ATP11B: variants seen among roughly 807,000 people sequenced by gnomAD.
The protein encoded by ATP11B is ATPase phospholipid transporting 11B (putative).
In ATP11B, 81 loss-of-function variants were observed where a neutral mutation model predicts 157.8. The observed-to-expected ratio is 0.51, with a 90% CI of 0.43 to 0.62. ATP11B has a LOEUF of 0.62. Among genes scored for constraint, ATP11B ranks in the 20% least tolerant of loss-of-function variants. The pLI, the probability that ATP11B is intolerant of heterozygous loss-of-function variation, is 0.00. For missense variants in ATP11B, 1,165 were observed against 1,402.2 expected (o/e 0.83, Z 2.70); for synonymous variants, 451 against 469.4 (o/e 0.96, Z 0.51).
At position 182,828,307 on chromosome 3, in the gene ATP11B, A is replaced by G. The variant is rs559907567; in HGVS notation, c.234+98A>G. 2,737 of 559,936 alleles carry G rather than the reference A, an allele frequency of 4.9e-3. 15 individuals are homozygous for G. The highest frequency in any genetic ancestry group is 7.2e-3 in the Non-Finnish European group (2,348 of 326,654). The allele number at this position is 559,936 out of a possible 1,614,324, so 34.7% of individuals were successfully genotyped here. A position where few individuals can be genotyped will look rare whatever the true frequency, so the allele number is the denominator to read the frequency against. ...ACATTGTGTTGCTAATCATTTGACC[A>G]TGTGACCATTTTTTCTGCAGTGCTT... On this transcript the variant is annotated intron_variant, in intron 3 of 29. Transcript: ENST00000323116.
Position 182,872,365 on chromosome 3 carries a change from AG to A in ATP11B, c.1877del (p.Arg626LysfsTer5). ...TATTTGTTTGTTTTAGAAAGGGCTA[AG>A]AACTCTGTGTATAGCATATAGAAAA... ...HVDEFALKGL[R>X]TLCIAYRKFT... On this transcript the variant is annotated frameshift_variant, in exon 18 of 30. Transcript: ENST00000323116. LOFTEE classifies it high-confidence loss of function. 6.3e-7 allele frequency: 1 copy of A among 1,577,264 alleles called. No homozygotes were observed. Among genetic ancestry groups the A allele is most frequent in the Non-Finnish European group, 8.6e-7 (1 of 1,161,936 alleles).
At chr3:182,856,621 G>A (rs747204041) in intron 10 of ATP11B, among the ~76,000 whole-genome samples, 6 of 152,144 alleles carry the variant, frequency 3.9e-5, no homozygotes, top group African/African-American at 1.4e-4. Flanking sequence ...GTATAAAAAT[G>A]CGAGCAGTAC....
intron 10 of ATP11B, among the ~76,000 whole-genome samples, chr3:182,852,085 C>T (rs935058189): frequency 6.6e-6 from 1 of 152,128 alleles, no homozygotes; most frequent in African/African-American, 2.4e-5. Context: ...AAAGTATGTT[C>T]TTTGACAATG....
chr3:182,894,318 C>A (rs1723372591), intron 25 of ATP11B, among the ~76,000 whole-genome samples: 1 of 152,226 alleles, frequency 6.6e-6, no homozygotes, highest in African/African-American at 2.4e-5. Context: ...TCCCCAGTAG[C>A]TGGGATTACA....
chr3:182,817,804 G>A (rs1407000439), intron 1 of ATP11B, among the ~76,000 whole-genome samples: 1 of 147,878 alleles, frequency 6.8e-6, no homozygotes, highest in African/African-American at 2.5e-5. Context: ...TTTTTTTTTT[G>A]TTTCTTAACT....
At chr3:182,865,359 AC>A (rs1257110609) in intron 12 of ATP11B, 96 bp from the exon 13 acceptor site, 1 of 1,188,350 alleles carries the variant, frequency 8.4e-7, no homozygotes, top group Non-Finnish European at 1.2e-6. Flanking sequence ...TAATAGATAA[AC>A]TGGACTTCAG....
chr3:182,869,444 C>T, intron 17 of ATP11B, 113 bp downstream of exon 17: 1 of 698,036 alleles, frequency 1.4e-6, no homozygotes, highest in South Asian at 2.2e-5. Context: ...AGTTGTGTTA[C>T]ACTGTGTGTT....
intron 28 of ATP11B, among the ~76,000 whole-genome samples, chr3:182,901,230 G>A (rs936020830): frequency 1.2e-4 from 18 of 150,910 alleles, no homozygotes; most frequent in Non-Finnish European, 2.9e-5. Context: ...GGGCATGGTG[G>A]CACACTCCTG....
At chr3:182,900,656 TTAC>T (rs1381367113) in intron 28 of ATP11B, among the ~76,000 whole-genome samples, 26 of 152,222 alleles carry the variant, frequency 1.7e-4, no homozygotes, top group Non-Finnish European at 3.1e-4. Context: ...TCCATTATAC[TTAC>T]TCTAGATCTT....
intron 10 of ATP11B, among the ~76,000 whole-genome samples, chr3:182,855,931 G>T (rs61419928): frequency 0.64 from 97,431 of 151,406 alleles, 33,312 homozygotes; most frequent in Non-Finnish European, 0.78. Context: ...TATGTTGTTG[G>T]TGGGAATTAA....
intron 23 of ATP11B, among the ~76,000 whole-genome samples, chr3:182,886,470 A>G (rs1367371702): frequency 1.3e-5 from 2 of 152,150 alleles, no homozygotes; most frequent in South Asian, 2.1e-4. Context: ...TGGGGCACCT[A>G]GAGTATATTG....
At position 182,896,681 on chromosome 3, in the gene ATP11B, G is replaced by T. The variant is rs199737700; in HGVS notation, c.2983-19G>T. ...CATTATGTTAACACGTAATGTAATA[G>T]TGTATTCTTTCTGTTTAGATGTTTG... On this transcript the variant is annotated intron_variant, in intron 25 of 29. Coordinates refer to ENST00000323116, the MANE Select transcript of ATP11B (RefSeq NM_014616.3). 42 of 1,593,306 alleles carry T rather than the reference G, an allele frequency of 2.6e-5. No individual in the cohort carries two copies. The Admixed American group carries it at 5.5e-4, about 21-fold the overall frequency.
At chr3:182,795,034 CA>C (rs10582019) in intron 1 of ATP11B, among the ~76,000 whole-genome samples, 6,908 of 138,948 alleles carry the variant, frequency 0.05, 504 homozygotes, top group African/African-American at 0.16. Flanking sequence ...GCATCATTCT[CA>C]AAAAAAAAAA....
At chr3:182,902,972 T>C (rs1450562141) in intron 28 of ATP11B, among the ~76,000 whole-genome samples, 1 of 152,144 alleles carries the variant, frequency 6.6e-6, no homozygotes, top group African/African-American at 2.4e-5. Flanking sequence ...TTAATCTGTA[T>C]TGTAAATACA....
chr3:182,884,304 C>A (rs1350052990), intron 21 of ATP11B, among the ~76,000 whole-genome samples: 1 of 151,854 alleles, frequency 6.6e-6, no homozygotes, highest in Non-Finnish European at 1.5e-5. Flanking sequence ...TTGACTTATT[C>A]ATGGAAGTGT....
At chr3:182,910,973 G>T (rs1724738520) in intron 28 of ATP11B, among the ~76,000 whole-genome samples, 1 of 152,078 alleles carries the variant, frequency 6.6e-6, no homozygotes, top group African/African-American at 2.4e-5. Context: ...TTAAATTATT[G>T]AATTTAACAG....
intron 28 of ATP11B, among the ~76,000 whole-genome samples, chr3:182,901,354 CA>C (rs913007171): frequency 5.1e-5 from 7 of 138,002 alleles, no homozygotes; most frequent in East Asian, 2.2e-4. Flanking sequence ...AAAAAAAAAA[CA>C]AAAAAAAAAC....
chr3:182,884,587 T>C (rs1722674342), intron 21 of ATP11B, among the ~76,000 whole-genome samples, 166 bp from the exon 22 acceptor site: 1 of 152,194 alleles, frequency 6.6e-6, no homozygotes, highest in African/African-American at 2.4e-5. Context: ...TTATATTAAT[T>C]ACATATTTAA....
intron 1 of ATP11B, among the ~76,000 whole-genome samples, chr3:182,811,431 A>G (rs962376137): frequency 2.6e-5 from 4 of 152,154 alleles, no homozygotes; most frequent in Non-Finnish European, 2.9e-5. Flanking sequence ...CAGAATGTCT[A>G]ATACTTCTGC....
Sources: gnomAD v4.1 joint callset for allele counts (sites outside exome capture counted in the v4.1 genomes callset) on GRCh38, gnomAD v4.1.1 for gene constraint, MANE v1.5 for transcripts, NCBI Gene and HGNC (gene_info 2026-07-23, HGNC 2026-07-21) for gene names.